Variants in LUZP1 observed in about 807,000 individuals in gnomAD.
LUZP1 encodes filamin mechanobinding actin cross-linking protein.
Under a neutral mutation model 71.3 loss-of-function variants are expected in LUZP1, and 25 were observed. That is an observed-to-expected ratio of 0.35 (90% CI 0.26 to 0.49). The LOEUF (loss-of-function observed/expected upper bound fraction) is 0.49, where lower values mean the gene tolerates loss of function less well. LUZP1 is among the 20% of genes least tolerant of loss of function. The probability of loss-of-function intolerance (pLI) is 0.99; values close to 1 mark genes in which losing one functional copy is unlikely to be tolerated. For missense variants in LUZP1, 1,142 were observed against 1,300.8 expected, an observed-to-expected ratio of 0.88 and a Z score of 1.88; for synonymous variants, 481 against 506.4, an observed-to-expected ratio of 0.95 and a Z score of 0.67.
At chr1:23,117,005 T>C (rs919881622) in intron 2 of LUZP1, among the ~76,000 whole-genome samples, 1 of 152,224 alleles carries the variant, frequency 6.6e-6, no homozygotes, top group Non-Finnish European at 1.5e-5. Context: ...GCTGTACCTA[T>C]TAGAGAGCCT....
chr1:23,154,663 C>T (rs28652787), intron 2 of LUZP1, among the ~76,000 whole-genome samples: 25,667 of 150,792 alleles, frequency 0.17, 2,247 homozygotes, highest in East Asian at 0.27. Context: ...CTGCCTCAGC[C>T]TCCTGAGTAG....
At chr1:23,120,963 G>GC (rs771049961) in intron 2 of LUZP1, among the ~76,000 whole-genome samples, 35 of 152,260 alleles carry the variant, frequency 2.3e-4, no homozygotes, top group Admixed American at 3.9e-4. Context: ...GCTTTACTGA[G>GC]CTGACTACCT....
At chr1:23,145,440 A>T (rs981202518) in intron 2 of LUZP1, among the ~76,000 whole-genome samples, 1 of 151,130 alleles carries the variant, frequency 6.6e-6, no homozygotes, top group Admixed American at 6.6e-5. Flanking sequence ...ATCTCACAAC[A>T]ACCCTATGAG....
intron 2 of LUZP1, among the ~76,000 whole-genome samples, chr1:23,157,414 T>C (rs982598481): frequency 6.6e-6 from 1 of 151,744 alleles, no homozygotes; most frequent in African/African-American, 2.4e-5. Context: ...CAGTGGTGCC[T>C]ACCTATAATC....
chr1:23,146,004 T>C (rs1644340015), intron 2 of LUZP1, among the ~76,000 whole-genome samples: 1 of 152,152 alleles, frequency 6.6e-6, no homozygotes, highest in Admixed American at 6.5e-5. Flanking sequence ...AACAAATAAT[T>C]TGAATTCTTT....
intron 1 of LUZP1, among the ~76,000 whole-genome samples, chr1:23,173,255 T>C (rs1245875480): frequency 1.3e-5 from 2 of 151,008 alleles, no homozygotes; most frequent in Admixed American, 1.3e-4. Flanking sequence ...AGACACTGTC[T>C]CTAAAAAAAT....
At chr1:23,092,501 G>A (rs756639238) in exon 4 of LUZP1, 1 of 1,614,162 alleles carries the variant, frequency 6.2e-7, no homozygotes, top group South Asian at 1.1e-5. Context: ...CAGCCTCAAG[G>A]CCATTGGCAG....
At chr1:23,140,201 A>G (rs1380335153) in intron 2 of LUZP1, 2 of 151,780 alleles carry the variant, frequency 1.3e-5, no homozygotes, top group Non-Finnish European at 2.9e-5. Context: ...CTCCTGTAGT[A>G]GCACCTATCC....
At chr1:23,095,477 T>C (rs1469040180) in intron 3 of LUZP1, among the ~76,000 whole-genome samples, 1 of 152,174 alleles carries the variant, frequency 6.6e-6, no homozygotes, top group Non-Finnish European at 1.5e-5. Flanking sequence ...TGAAAAATAA[T>C]AGTAAGTTTA....
rs750709588 is a variant in LUZP1 at position 23,094,227 on chromosome 1, G to C, written c.35C>G (p.Ser12Cys). The C allele has an allele frequency of 1.9e-6, 3 of 1,612,948 alleles. No individual in the cohort carries two copies. Among genetic ancestry groups the C allele is most frequent in the Non-Finnish European group, 1.7e-6 (2 of 1,179,604 alleles). ...TAGCTTAAACCGCAAGTGGCGGCTG[G>C]AGGCCGTCTCCTTGTAGCTTGTAAA... The change falls in exon 4 of 5, where the codon TCC becomes TGC. Residue 12 changes from serine (S) to cysteine (C), a missense_variant. Coordinates refer to ENST00000302291, the Ensembl canonical transcript of LUZP1. The surrounding 1 kb of genome is among the most constrained non-coding windows in gnomAD (Gnocchi z 4.7).
intron 2 of LUZP1, among the ~76,000 whole-genome samples, chr1:23,136,182 GT>G (rs1201085843): frequency 2.0e-5 from 3 of 152,026 alleles, no homozygotes; most frequent in Non-Finnish European, 4.4e-5. Flanking sequence ...AATGATTAGA[GT>G]TAGTCAGAAT....
intron 2 of LUZP1, among the ~76,000 whole-genome samples, chr1:23,159,212 G>C (rs1288146308): frequency 2.0e-5 from 3 of 151,442 alleles, no homozygotes; most frequent in African/African-American, 7.3e-5. Context: ...GTGGTGGCGG[G>C]CACCTGTAGT....
chr1:23,110,630 A>ACGCG (rs1388511158), intron 2 of LUZP1, among the ~76,000 whole-genome samples: 1 of 44,494 alleles, frequency 2.2e-5, no homozygotes, highest in Non-Finnish European at 6.0e-5. Context: ...ATGAACGCGC[A>ACGCG]CACATACACA....
chr1:23,093,778 C>T lies in LUZP1; in HGVS notation c.484G>A (p.Val162Met), dbSNP rs1643877794. 2 of 1,613,996 alleles carry T rather than the reference C, an allele frequency of 1.2e-6. No individual in the cohort carries two copies. The highest frequency in any genetic ancestry group is 1.7e-5 in the Admixed American group (1 of 60,016). ...TCCTCAGAAGATTCTAGTTCTTTCA[C>T]TTTGACTCTGAGCATTTCCAGCTCA... The change falls in exon 4 of 5, where the codon GTG becomes ATG. Residue 162 changes from valine to methionine, a missense_variant. By Grantham distance (21) the Val-to-Met change is conservative. Coordinates refer to ENST00000302291, the Ensembl canonical transcript of LUZP1. This position sits in a 1 kb window ranked among gnomAD's most constrained non-coding sequence, Gnocchi z 4.2.
chr1:23,092,339 A>G (rs1421392338), exon 4 of LUZP1: 3 of 1,614,044 alleles, frequency 1.9e-6, no homozygotes, highest in South Asian at 1.1e-5. Flanking sequence ...TCAAGGCTTC[A>G]TGCGGACTGC....
intron 2 of LUZP1, among the ~76,000 whole-genome samples, chr1:23,156,279 C>G (rs1042189032): frequency 2.6e-5 from 4 of 152,120 alleles, no homozygotes; most frequent in African/African-American, 9.7e-5. Context: ...ACTGGGGAGG[C>G]TGAGGCAGGA....
intron 2 of LUZP1, among the ~76,000 whole-genome samples, chr1:23,114,167 G>A (rs1486017064): frequency 2.6e-5 from 4 of 151,972 alleles, no homozygotes; most frequent in African/African-American, 9.7e-5. Context: ...GTATACACAG[G>A]GATAATTTTC....
chr1:23,149,442 T>C (rs1168988847), intron 2 of LUZP1, among the ~76,000 whole-genome samples: 2 of 151,848 alleles, frequency 1.3e-5, no homozygotes, highest in Non-Finnish European at 2.9e-5. Flanking sequence ...CTAGATGGGG[T>C]CAAACACATA....
At chr1:23,129,242 C>T (rs1644195391) in intron 2 of LUZP1, among the ~76,000 whole-genome samples, 1 of 152,028 alleles carries the variant, frequency 6.6e-6, no homozygotes, top group Non-Finnish European at 1.5e-5. Context: ...TTATTTTCAG[C>T]CCTCAAAAAT....
Sources: gnomAD v4.1 joint callset for allele counts (sites outside exome capture counted in the v4.1 genomes callset) on GRCh38, gnomAD v4.1.1 for gene constraint, Gnocchi (gnomAD v3.1) non-coding constraint, MANE v1.5 for transcripts, NCBI Gene and HGNC (gene_info 2026-07-23, HGNC 2026-07-21) for gene names.